Variants in MBD5 observed in about 807,000 individuals in gnomAD.
MBD5 encodes the protein methyl-CpG binding domain protein 5.
Under a neutral mutation model 117.3 loss-of-function variants are expected in MBD5, and 13 were observed. The observed-to-expected ratio is 0.11, with a 90% confidence interval of 0.07 to 0.18. MBD5 has a LOEUF of 0.18. Among genes scored for constraint, MBD5 ranks in the 10% least tolerant of loss-of-function variants. MBD5 has a pLI of 1.00. For missense variants in MBD5, 1,879 were observed against 2,093.8 expected (o/e 0.90, Z 2.00); for synonymous variants, 727 against 766.4 (o/e 0.95, Z 0.85).
chr2:148,361,786 G>A (rs1468192349), intron 4 of MBD5, among the ~76,000 whole-genome samples: 11 of 152,198 alleles, frequency 7.2e-5, no homozygotes, highest in African/African-American at 2.7e-4. Context: ...CAACGCAGAA[G>A]GCGGGTAATT....
chr2:148,048,783 A>C (rs562830669), intron 1 of MBD5, among the ~76,000 whole-genome samples: 9 of 152,280 alleles, frequency 5.9e-5, no homozygotes, highest in African/African-American at 2.2e-4. Context: ...CTGTGGTTGA[A>C]AAGTCCCCCA....
intron 1 of MBD5, among the ~76,000 whole-genome samples, chr2:148,058,753 T>C (rs980567383): frequency 6.6e-6 from 1 of 152,160 alleles, no homozygotes; most frequent in African/African-American, 2.4e-5. Flanking sequence ...TATTTAATTC[T>C]GTCTGACTTT....
intron 4 of MBD5, among the ~76,000 whole-genome samples, chr2:148,439,825 A>C (rs1706267217): frequency 6.6e-6 from 1 of 151,670 alleles, no homozygotes; most frequent in African/African-American, 2.4e-5. Flanking sequence ...TGCAACCTCA[A>C]ACTCCTGAGC....
intron 1 of MBD5, among the ~76,000 whole-genome samples, chr2:148,131,546 A>T (rs1311396483): frequency 6.6e-6 from 1 of 152,134 alleles, no homozygotes; most frequent in Non-Finnish European, 1.5e-5. Flanking sequence ...AGATTAAAAA[A>T]TTAGCCAGGA....
At chr2:148,398,018 G>A (rs1454979235) in intron 4 of MBD5, among the ~76,000 whole-genome samples, 1 of 152,174 alleles carries the variant, frequency 6.6e-6, no homozygotes, top group Non-Finnish European at 1.5e-5. Context: ...ATTCCATGGT[G>A]TATATGTGCC....
At chr2:148,038,054 A>C (rs145060021) in intron 1 of MBD5, among the ~76,000 whole-genome samples, 22 of 152,074 alleles carry the variant, frequency 1.4e-4, no homozygotes, top group African/African-American at 5.3e-4. Context: ...GAGACCCAGA[A>C]AAGGTCTCTT....
intron 4 of MBD5, among the ~76,000 whole-genome samples, chr2:148,415,879 C>T (rs1394735077): frequency 6.6e-6 from 1 of 152,070 alleles, no homozygotes; most frequent in East Asian, 1.9e-4. Context: ...TATTTAATTC[C>T]TTAGATTCCT....
chr2:148,021,738 CG>C, intron 1 of MBD5, 54 bp downstream of exon 1: 1 of 286,506 alleles, frequency 3.5e-6, no homozygotes, highest in Non-Finnish European at 7.1e-6. Flanking sequence ...ACTTTCACTC[CG>C]GGGCAACAGT....
chr2:148,238,872 A>G (rs1202267694), intron 3 of MBD5, among the ~76,000 whole-genome samples: 1 of 152,150 alleles, frequency 6.6e-6, no homozygotes, highest in Non-Finnish European at 1.5e-5. Flanking sequence ...ACCCTAATTC[A>G]GTACGACCTC....
intron 1 of MBD5, among the ~76,000 whole-genome samples, chr2:148,115,494 T>C (rs550537645): frequency 6.6e-6 from 1 of 152,330 alleles, no homozygotes; most frequent in East Asian, 1.9e-4. Flanking sequence ...GTATTTAGTA[T>C]GGGTACCTGG....
chr2:148,424,847 A>G (rs1705725932), intron 4 of MBD5, among the ~76,000 whole-genome samples: 1 of 152,204 alleles, frequency 6.6e-6, no homozygotes, highest in Non-Finnish European at 1.5e-5. Context: ...GGGAACAAAG[A>G]CACAATGTAA....
chr2:148,368,243 G>T (rs1427239647), intron 4 of MBD5, among the ~76,000 whole-genome samples: 1 of 151,948 alleles, frequency 6.6e-6, no homozygotes, highest in Non-Finnish European at 1.5e-5. Context: ...ACCAAACACC[G>T]CATGTTCTCA....
chr2:148,225,085 T>G (rs1184475667), intron 2 of MBD5, among the ~76,000 whole-genome samples: 1 of 152,186 alleles, frequency 6.6e-6, no homozygotes, highest in Non-Finnish European at 1.5e-5. Context: ...TATTGGTAAG[T>G]AAGGACTTAC....
intron 3 of MBD5, chr2:148,295,838 A>G: frequency 5.7e-6 from 1 of 173,988 alleles, no homozygotes; most frequent in Non-Finnish European, 1.2e-5. Flanking sequence ...AAAACTACCT[A>G]GTAAGAAAGT....
At chr2:148,345,184 G>A (rs1703058158) in intron 4 of MBD5, among the ~76,000 whole-genome samples, 1 of 150,816 alleles carries the variant, frequency 6.6e-6, no homozygotes, top group South Asian at 2.1e-4. Flanking sequence ...ATATATATGT[G>A]TGTGTGTGTG....
intron 4 of MBD5, among the ~76,000 whole-genome samples, chr2:148,366,683 A>C (rs566889392): frequency 2.6e-4 from 39 of 152,306 alleles, no homozygotes; most frequent in African/African-American, 9.1e-4. Flanking sequence ...TACACCAATA[A>C]TAAACAAGCG....
chr2:148,477,007 TA>T (rs869221710), intron 8 of MBD5, among the ~76,000 whole-genome samples: 8 of 151,712 alleles, frequency 5.3e-5, no homozygotes, highest in Admixed American at 3.3e-4. Context: ...AGGAATTTTT[TA>T]AAAAAAACCC....
intron 3 of MBD5, among the ~76,000 whole-genome samples, chr2:148,238,764 A>G (rs1242311937): frequency 6.6e-6 from 1 of 152,026 alleles, no homozygotes; most frequent in East Asian, 1.9e-4. Flanking sequence ...CATGGCTTGT[A>G]GACATATTAC....
chr2:148,386,651 G>A (rs1482427683), intron 4 of MBD5, among the ~76,000 whole-genome samples: 3 of 147,752 alleles, frequency 2.0e-5, no homozygotes, highest in Admixed American at 6.8e-5. Context: ...CCCGGGAGGC[G>A]GAGCTTGCAG....
Sources: allele counts gnomAD v4.1 joint callset (sites outside exome capture counted in the v4.1 genomes callset), GRCh38; gene constraint gnomAD v4.1.1; transcripts MANE v1.5; gene names NCBI Gene and HGNC (gene_info 2026-07-23, HGNC 2026-07-21).